The following SOX5 variants were observed in gnomAD, a reference collection of about 807,000 sequenced individuals.
The protein encoded by SOX5 is transcription factor SOX-5.
A neutral mutation model predicts 92.0 loss-of-function variants in SOX5; 9 were observed. That is an observed-to-expected ratio of 0.10 (90% CI 0.06 to 0.17). SOX5 has a LOEUF of 0.17. SOX5 is among the 10% of genes least tolerant of loss of function. The pLI is 1.00. For synonymous variants in SOX5, 344 were observed against 336.3 expected, an observed-to-expected ratio of 1.02 and a Z score of -0.25; for missense variants, 642 against 944.5, an observed-to-expected ratio of 0.68 and a Z score of 4.20.
At chr12:24,082,052 TGTTA>T (rs1943404308) in intron 4 of SOX5, among the ~76,000 whole-genome samples, 1 of 151,946 alleles carries the variant, frequency 6.6e-6, no homozygotes, top group Non-Finnish European at 1.5e-5. Context: ...TTGTTGTTGT[TGTTA>T]GAGGGCTGAT....
At chr12:23,771,525 C>T (rs1213913546) in intron 3 of SOX5, among the ~76,000 whole-genome samples, 1 of 152,220 alleles carries the variant, frequency 6.6e-6, no homozygotes, top group African/African-American at 2.4e-5. Flanking sequence ...ACCAATTATA[C>T]AACCGCTGAC....
At chr12:23,805,024 CCTTA>C (rs1175952367) in intron 3 of SOX5, among the ~76,000 whole-genome samples, 1 of 140,800 alleles carries the variant, frequency 7.1e-6, no homozygotes, top group African/African-American at 2.6e-5. Context: ...AAGGTTGGCA[CCTTA>C]CTTGTTTTCT....
At chr12:24,050,130 G>C (rs977409932) in intron 4 of SOX5, among the ~76,000 whole-genome samples, 2 of 150,416 alleles carry the variant, frequency 1.3e-5, no homozygotes, top group African/African-American at 2.4e-5. Context: ...GAAAAGGGGA[G>C]TGGATAAGTG....
chr12:24,007,141 AT>A (rs1362982077), intron 4 of SOX5, among the ~76,000 whole-genome samples: 1,774 of 29,270 alleles, frequency 0.061, 284 homozygotes, highest in Middle Eastern at 0.3. Context: ...TCAAAAAAAA[AT>A]ATATATATAT....
intron 6 of SOX5, among the ~76,000 whole-genome samples, chr12:23,677,362 A>G (rs1164845853): frequency 1.3e-5 from 2 of 152,226 alleles, no homozygotes; most frequent in South Asian, 2.1e-4. Flanking sequence ...GATTACTCAT[A>G]TGAAATGAAT....
chr12:23,855,693 T>C (rs1294205951), intron 2 of SOX5, among the ~76,000 whole-genome samples: 2 of 152,152 alleles, frequency 1.3e-5, no homozygotes, highest in East Asian at 1.9e-4. Flanking sequence ...CGAGGAAGGA[T>C]ACTATCAAGT....
intron 1 of SOX5, among the ~76,000 whole-genome samples, chr12:24,540,057 A>G (rs1193262458): frequency 6.6e-6 from 1 of 152,120 alleles, no homozygotes; most frequent in African/African-American, 2.4e-5. Flanking sequence ...ATTAATATGC[A>G]TTATGTAAGA....
chr12:24,146,089 C>A (rs1031026279), intron 4 of SOX5, among the ~76,000 whole-genome samples: 3 of 152,098 alleles, frequency 2.0e-5, no homozygotes, highest in African/African-American at 7.2e-5. Context: ...AATAAGTAAA[C>A]AGAAAATCAC....
intron 2 of SOX5, among the ~76,000 whole-genome samples, chr12:24,353,078 G>A (rs778426733): frequency 9.2e-5 from 14 of 152,144 alleles, no homozygotes; most frequent in Non-Finnish European, 1.6e-4. Context: ...AGGTCATTAC[G>A]TTGTATGGAG....
At chr12:24,558,341 G>A (rs1954010224) in intron 1 of SOX5, among the ~76,000 whole-genome samples, 1 of 152,070 alleles carries the variant, frequency 6.6e-6, no homozygotes, top group Non-Finnish European at 1.5e-5. Context: ...GCAGATAAAG[G>A]AGCAGGGCTT....
At chr12:24,070,548 AATCATGGTGCCCTTTTTCATCTTT>A (rs1239876587) in intron 4 of SOX5, among the ~76,000 whole-genome samples, 1 of 152,174 alleles carries the variant, frequency 6.6e-6, no homozygotes, top group South Asian at 2.1e-4. Context: ...AAATTCAAGG[AATCATGGTGCCCTTTTTCATCTTT>A]ATTTATTGTT....
intron 11 of SOX5, among the ~76,000 whole-genome samples, chr12:23,549,758 G>A (rs1233654596): frequency 3.3e-5 from 5 of 151,856 alleles, no homozygotes; most frequent in African/African-American, 1.2e-4. Context: ...TTGCAAAGAT[G>A]AGTCTTATCT....
chr12:24,433,145 T>C (rs1938693435), intron 1 of SOX5, among the ~76,000 whole-genome samples: 1 of 152,224 alleles, frequency 6.6e-6, no homozygotes, highest in Non-Finnish European at 1.5e-5. Flanking sequence ...GTAAAATATT[T>C]AAATGCCCTG....
intron 3 of SOX5, among the ~76,000 whole-genome samples, chr12:24,267,379 A>C (rs1943154190): frequency 6.6e-6 from 1 of 152,200 alleles, no homozygotes. Context: ...ACTTTCACAA[A>C]TTATCTAAAA....
intron 4 of SOX5, among the ~76,000 whole-genome samples, chr12:24,149,804 A>C (rs1951477231): frequency 6.6e-6 from 1 of 152,200 alleles, no homozygotes; most frequent in Non-Finnish European, 1.5e-5. Flanking sequence ...TGAACAAACA[A>C]ATACATAAAA....
intron 4 of SOX5, among the ~76,000 whole-genome samples, chr12:23,960,528 T>A (rs559472833): frequency 1.5e-5 from 1 of 65,234 alleles, no homozygotes; most frequent in African/African-American, 4.5e-5. Context: ...TATATATATA[T>A]ACATATATAT....
At chr12:24,394,939 C>T (rs1257716457) in intron 1 of SOX5, among the ~76,000 whole-genome samples, 1 of 152,098 alleles carries the variant, frequency 6.6e-6, no homozygotes, top group East Asian at 1.9e-4. Flanking sequence ...ACATGGTAGG[C>T]TTCAAGAGGC....
chr12:23,549,526 T>G (rs954542350), intron 11 of SOX5, among the ~76,000 whole-genome samples: 1 of 151,974 alleles, frequency 6.6e-6, no homozygotes, highest in Non-Finnish European at 1.5e-5. Flanking sequence ...ACAAGATTGA[T>G]TGGTCTTCTC....
At chr12:24,170,082 T>G (rs1363280922) in intron 4 of SOX5, among the ~76,000 whole-genome samples, 1 of 152,138 alleles carries the variant, frequency 6.6e-6, no homozygotes, top group African/African-American at 2.4e-5. Flanking sequence ...AGCTTAAGAT[T>G]GTTTCCTGAC....
Sources: gnomAD v4.1 joint callset for allele counts (sites outside exome capture counted in the v4.1 genomes callset) on GRCh38, gnomAD v4.1.1 for gene constraint, MANE v1.5 for transcripts, NCBI Gene and HGNC (gene_info 2026-07-23, HGNC 2026-07-21) for gene names.